BIN2: variants seen among roughly 807,000 people sequenced by gnomAD.
BIN2 encodes breast cancer associated protein BRAP1.
Under a neutral mutation model 67.9 loss-of-function variants are expected in BIN2, and 43 were observed. The ratio of observed to expected loss-of-function variants is 0.63; its 90% CI spans 0.50 to 0.82. BIN2 has a LOEUF of 0.82. Among genes scored for constraint, BIN2 ranks in the 40% least tolerant of loss-of-function variants. The probability of loss-of-function intolerance (pLI) is 0.00; values close to 1 mark genes in which losing one functional copy is unlikely to be tolerated. For missense variants in BIN2, 581 were observed against 671.6 expected, an observed-to-expected ratio of 0.87 and a Z score of 1.49; for synonymous variants, 244 against 246.8, an observed-to-expected ratio of 0.99 and a Z score of 0.11.
At chr12:51,307,282 CAA>C (rs11348350) in intron 2 of BIN2, among the ~76,000 whole-genome samples, 174 of 101,570 alleles carry the variant, frequency 1.7e-3, no homozygotes, top group South Asian at 3.7e-3. Context: ...GACTCTGACT[CAA>C]AAAAAAAAAA....
chr12:51,289,676 G>T (rs1945333396), intron 10 of BIN2, among the ~76,000 whole-genome samples: 1 of 151,956 alleles, frequency 6.6e-6, no homozygotes, highest in Non-Finnish European at 1.5e-5. Flanking sequence ...AGAACTAGTT[G>T]CTCTTCAATG....
intron 11 of BIN2, among the ~76,000 whole-genome samples, chr12:51,286,341 C>G (rs966110079): frequency 1.3e-5 from 2 of 152,118 alleles, no homozygotes; most frequent in South Asian, 2.1e-4. Context: ...TTCTCCTTAG[C>G]TGATGACCAA....
intron 4 of BIN2, 55 bp downstream of exon 4, chr12:51,302,631 T>G: frequency 3.5e-6 from 5 of 1,414,418 alleles, no homozygotes; most frequent in Non-Finnish European, 5.0e-6. Context: ...AAGCTGAGGT[T>G]GAGATGCAAA....
intron 1 of BIN2, among the ~76,000 whole-genome samples, chr12:51,316,252 G>A (rs1006484448): frequency 6.6e-6 from 1 of 151,742 alleles, no homozygotes; most frequent in Middle Eastern, 3.2e-3. Flanking sequence ...GGAGGCCGAG[G>A]CAGGCGGATC....
chr12:51,303,203 G>T (rs1400695433), intron 2 of BIN2, 62 bp from the exon 3 acceptor site: 11 of 1,535,174 alleles, frequency 7.2e-6, no homozygotes, highest in Non-Finnish European at 9.0e-6. Flanking sequence ...TGCTCCAGAG[G>T]TCAAAGTCAA....
At chr12:51,291,279 T>C (rs1945374124) in intron 10 of BIN2, among the ~76,000 whole-genome samples, 1 of 152,082 alleles carries the variant, frequency 6.6e-6, no homozygotes, top group Non-Finnish European at 1.5e-5. Context: ...CTGACTATAG[T>C]AAAGATACCT....
At chr12:51,291,526 G>A in intron 10 of BIN2, 65 bp downstream of exon 10, 1 of 1,472,366 alleles carries the variant, frequency 6.8e-7, no homozygotes, top group Non-Finnish European at 9.1e-7. Context: ...CTGGACGCCT[G>A]AGTGAGACCC....
chr12:51,316,873 T>C, intron 1 of BIN2, among the ~76,000 whole-genome samples: 1 of 151,932 alleles, frequency 6.6e-6, no homozygotes, highest in East Asian at 1.9e-4. Context: ...CTACTACTAC[T>C]ATTATTATTA....
rs765564221 is a variant in BIN2, at chr12:51,292,194, G to A, written c.912C>T (p.Ala304=). 1.2e-6 allele frequency: 2 copies of A among 1,612,436 alleles called. No homozygotes were observed. The highest frequency in any genetic ancestry group is 2.2e-5 in the South Asian group (2 of 91,080). The change falls in exon 10 of 13, where the codon GCC becomes GCT. Residue 304 remains alanine, a synonymous_variant. Transcript: ENST00000615107. ...TGATCTCAGAATTGTCTTCCCCTTGGGCTGCATCAGGTGCCAGATCTTCAG... is the reference window on the plus strand; with the variant it reads ...TGATCTCAGAATTGTCTTCCCCTTGAGCTGCATCAGGTGCCAGATCTTCAG... ...SATEDLAPDA[A]QGEDNSEIKE...
At chr12:51,315,461 T>G (rs1946102572) in intron 1 of BIN2, among the ~76,000 whole-genome samples, 1 of 152,190 alleles carries the variant, frequency 6.6e-6, no homozygotes, top group Non-Finnish European at 1.5e-5. Context: ...CGTGAGCCAC[T>G]GCGCCCGGCC....
chr12:51,283,263 CAAAAAAA>C (rs56781092), intron 12 of BIN2, among the ~76,000 whole-genome samples: 6 of 125,632 alleles, frequency 4.8e-5, no homozygotes, highest in Non-Finnish European at 3.3e-5. Flanking sequence ...GACTCCATCT[CAAAAAAA>C]AAAAAAAAAA....
intron 2 of BIN2, among the ~76,000 whole-genome samples, chr12:51,305,305 AAAAT>A (rs765252734): frequency 6.7e-5 from 10 of 149,884 alleles, no homozygotes; most frequent in Non-Finnish European, 1.0e-4. Context: ...CTCCATCTCA[AAAAT>A]AAATAAATAA....
At chr12:51,319,983 C>T (rs1456821833) in intron 1 of BIN2, among the ~76,000 whole-genome samples, 2 of 65,904 alleles carry the variant, frequency 3.0e-5, no homozygotes, top group Admixed American at 1.5e-4. Flanking sequence ...CCTTTTCTCC[C>T]TCTCTTTCTT....
At chr12:51,314,779 A>G (rs1946079654) in intron 1 of BIN2, among the ~76,000 whole-genome samples, 1 of 151,556 alleles carries the variant, frequency 6.6e-6, no homozygotes, top group Non-Finnish European at 1.5e-5. Context: ...AGCCTGGACA[A>G]CAAGAGCGAA....
intron 1 of BIN2, among the ~76,000 whole-genome samples, chr12:51,321,929 C>G (rs999764470): frequency 6.6e-6 from 1 of 152,230 alleles, no homozygotes. Flanking sequence ...TTCAGGCTGA[C>G]GGAGCTGAGC....
chr12:51,310,002 T>C (rs1676335883), intron 2 of BIN2, among the ~76,000 whole-genome samples: 1 of 152,176 alleles, frequency 6.6e-6, no homozygotes, highest in Non-Finnish European at 1.5e-5. Context: ...GGCCTCCTAG[T>C]GAGGCACAGT....
At position 51,281,218 on chromosome 12, in the gene BIN2, C is replaced by T; in HGVS notation, c.*281G>A. The T allele has an allele frequency of 2.2e-6, 1 of 461,718 alleles. No homozygotes were observed. 28.6% of individuals were successfully genotyped at this position (461,718 alleles called of 1,614,324 possible). ...CTTTTGCTTTTTATAGTGATTAAAG[C>T]TCCACTTTAGTTAATGTATAAAGTC... On this transcript the variant is annotated 3_prime_UTR_variant, in exon 13 of 13. Transcript: ENST00000615107.
rs373972469 is a variant in BIN2, at chr12:51,311,567, G to C, written c.162+2256C>G. 1.6e-4 allele frequency among the ~76,000 whole-genome samples: 25 copies of C among 152,058 alleles called. No individual in the cohort carries two copies. The East Asian group carries it at 3.7e-3, about 22-fold the overall frequency. ...GCTAATTTTTGTATTTTTTTGTAGA[G>C]ACGGGATCTTGCTATGTTGCCCAGG... On this transcript the variant is annotated intron_variant, in intron 2 of 12. Transcript: ENST00000615107.
Position 51,297,182 on chromosome 12 carries a change from C to T in BIN2, c.603-18G>A. 6.2e-7 allele frequency: 1 copy of T among 1,604,838 alleles called. No individual in the cohort carries two copies. The highest frequency in any genetic ancestry group is 8.5e-7 in the Non-Finnish European group (1 of 1,171,692). Reference sequence around the variant, plus strand: ...CAATACGACTATTAGGAAGCAAAACCACAAACACATACGAGTAAGGCATGG... The same window carrying T: ...CAATACGACTATTAGGAAGCAAAACTACAAACACATACGAGTAAGGCATGG... On this transcript the variant is annotated intron_variant, in intron 7 of 12. Coordinates refer to ENST00000615107, the MANE Select transcript of BIN2 (RefSeq NM_016293.4).
Sources: gnomAD v4.1 joint callset for allele counts (sites outside exome capture counted in the v4.1 genomes callset) on GRCh38, gnomAD v4.1.1 for gene constraint, MANE v1.5 for transcripts, NCBI Gene and HGNC (gene_info 2026-07-23, HGNC 2026-07-21) for gene names.